The following RCBTB2 variants were observed in gnomAD, a reference collection of about 807,000 sequenced individuals.
RCBTB2 encodes the protein RCC1 and BTB domain containing protein 2, also known as RCC1 and BTB domain-containing protein 2.
A neutral mutation model predicts 65.4 loss-of-function variants in RCBTB2; 55 were observed. The ratio of observed to expected loss-of-function variants is 0.84; its 90% CI spans 0.68 to 1.05. The LOEUF (loss-of-function observed/expected upper bound fraction) is 1.05. Among genes scored for constraint, RCBTB2 ranks in the 50% least tolerant of loss-of-function variants. The probability of loss-of-function intolerance (pLI) is 0.00; values close to 1 mark genes in which losing one functional copy is unlikely to be tolerated. For missense variants in RCBTB2, 599 were observed against 680.1 expected (o/e 0.88, Z 1.33); for synonymous variants, 220 against 255.2 (o/e 0.86, Z 1.31).
At chr13:48,491,486 G>A (rs754310994) in intron 14 of RCBTB2, among the ~76,000 whole-genome samples, 6 of 152,184 alleles carry the variant, frequency 3.9e-5, no homozygotes, top group Non-Finnish European at 7.3e-5. Context: ...ATAAAAATGT[G>A]CTTCAATGAT....
intron 6 of RCBTB2, 112 bp from the exon 7 acceptor site, chr13:48,513,007 T>G: frequency 1.2e-6 from 1 of 821,258 alleles, no homozygotes; most frequent in Middle Eastern, 2.8e-4. Flanking sequence ...TGCAAAAAGC[T>G]AATCAACTTC....
At chr13:48,513,392 T>C (rs957672158) in intron 6 of RCBTB2, among the ~76,000 whole-genome samples, 1 of 152,192 alleles carries the variant, frequency 6.6e-6, no homozygotes, top group African/African-American at 2.4e-5. Context: ...TCAAGAAATA[T>C]AACCTTATAA....
chr13:48,499,142 A>ACACACT lies in RCBTB2; in HGVS notation c.1384+478_1384+479insAGTGTG, dbSNP rs1366425462. Among the ~76,000 whole-genome samples, 1,151 of 132,218 alleles carry ACACACT rather than the reference A, an allele frequency of 8.7e-3. 24 individuals carry two copies. The highest frequency in any genetic ancestry group is 0.077 in the East Asian group (346 of 4,496). The allele number at this position is 132,218 out of a possible 152,430, so 86.7% of individuals were successfully genotyped here. A position where few individuals can be genotyped will look rare whatever the true frequency, so the allele number is the denominator to read the frequency against. ...CACACACACACACACACACACACAC[A>ACACACT]CTCTCTCTCTCTCTCTCTCTCTCTC... On this transcript the variant is annotated intron_variant, in intron 13 of 14. Transcript: ENST00000344532.
Position 48,512,007 on chromosome 13 carries a change from C to T in RCBTB2, c.675+9G>A. 6.2e-7 allele frequency: 1 copy of T among 1,612,464 alleles called. No individual in the cohort carries two copies. Among genetic ancestry groups the T allele is most frequent in the Non-Finnish European group, 8.5e-7 (1 of 1,178,648 alleles). On this transcript the variant is annotated intron_variant, in intron 8 of 14. Coordinates refer to ENST00000344532, the MANE Select transcript of RCBTB2 (RefSeq NM_001268.4). Reference sequence around the variant, plus strand: ...GGTTTTTAAACAAGATGTAAAATAACTTCCTTACCTCCCCCGTGTCTACTA... The same window carrying T: ...GGTTTTTAAACAAGATGTAAAATAATTTCCTTACCTCCCCCGTGTCTACTA...
upstream of RCBTB2, chr13:48,533,192 A>T: frequency 2.8e-6 from 1 of 354,042 alleles, no homozygotes; most frequent in Admixed American, 3.5e-5. Context: ...GAGCGCAGAC[A>T]AGAGGAGGGG....
In RCBTB2 at chr13:48,515,285, C is replaced by T. The variant is rs186907617; in HGVS notation, c.269G>A (p.Arg90Gln). 2.5e-5 allele frequency: 41 copies of T among 1,614,044 alleles called. No individual in the cohort carries two copies. Among genetic ancestry groups the T allele is most frequent in the Admixed American group, 1.8e-4 (11 of 60,012 alleles). ...LGDVQSTIEP[R>Q]RLDSLNGKKI... is the part of the protein sequence containing the mutation. ...TTTGCCATTTAAAGAATCCAGTCTC[C>T]GAGGTTCAATGGTGCTCTGGACGTC... is the stretch of plus-strand genomic sequence containing the variant. The change falls in exon 6 of 15, where the codon CGG (arginine) becomes CAG (glutamine). Residue 90 changes from arginine to glutamine, a missense_variant. By Grantham distance (43) the Arg-to-Gln change is conservative (BLOSUM62 1). Coordinates refer to ENST00000344532, the MANE Select transcript of RCBTB2 (RefSeq NM_001268.4).
intron 6 of RCBTB2, among the ~76,000 whole-genome samples, chr13:48,513,223 C>T (rs191284335): frequency 2.6e-5 from 4 of 152,290 alleles, no homozygotes; most frequent in Admixed American, 2.6e-4. Context: ...CTTAACTCCC[C>T]TAGGTCTTAA....
At position 48,501,879 on chromosome 13, in the gene RCBTB2, A is replaced by G; in HGVS notation, c.1118-11T>C. On this transcript the variant is annotated splice_polypyrimidine_tract_variant and intron_variant, in intron 11 of 14. Transcript: ENST00000344532. Reference sequence around the variant, plus strand: ...GGTGGTCATCAGGTTCTAGGAGAATAATGCAAATGCTTCCAGAGTTAGCTA... The same window carrying G: ...GGTGGTCATCAGGTTCTAGGAGAATGATGCAAATGCTTCCAGAGTTAGCTA... 1 of 1,612,628 alleles carries G rather than the reference A, an allele frequency of 6.2e-7. No homozygotes were observed. Among genetic ancestry groups the G allele is most frequent in the Non-Finnish European group, 8.5e-7 (1 of 1,179,368 alleles).
rs765971150 is a variant in RCBTB2 at position 48,512,810 on chromosome 13, G to A, written c.435C>T (p.Ile145=). ...CTTGTTTGTTTGACAGATTAGTAGA[G>A]ATATGACAGGGCACTAAACCATGAT... ...TTNHGLVPCH[I]STNLSNKQVI... The change falls in exon 7 of 15, where the codon ATC becomes ATT. Residue 145 remains isoleucine (I), a synonymous_variant. Coordinates refer to ENST00000344532, the MANE Select transcript of RCBTB2 (RefSeq NM_001268.4). The A allele has an allele frequency of 1.9e-6, 3 of 1,613,848 alleles. No individual in the cohort carries two copies. The highest frequency in any genetic ancestry group is 1.1e-5 in the South Asian group (1 of 91,072).
At chr13:48,493,315 A>ACACACACACACACACACACTCT (rs759504798) in intron 14 of RCBTB2, among the ~76,000 whole-genome samples, 3 of 75,028 alleles carry the variant, frequency 4.0e-5, no homozygotes, top group African/African-American at 1.8e-4. Context: ...ACACACACAC[A>ACACACACACACACACACACTCT]CTCTCTCTCT....
chr13:48,512,255 C>A (rs1593712223), intron 7 of RCBTB2, 81 bp from the exon 8 acceptor site: 2 of 1,223,400 alleles, frequency 1.6e-6, no homozygotes, highest in East Asian at 2.4e-5. Context: ...ACTTGTGGCA[C>A]CGAGTCTTTC....
At position 48,511,882 on chromosome 13, in the gene RCBTB2, G is replaced by C; in HGVS notation, c.676-5C>G. 6.2e-7 allele frequency: 1 copy of C among 1,614,062 alleles called. No homozygotes were observed. On this transcript the variant is annotated splice_region_variant and splice_polypyrimidine_tract_variant and intron_variant, in intron 8 of 14. Transcript: ENST00000344532. ...GTTGTAACCCCAGACATAGACCTGA[G>C]AGAAAATGAGACCCTCAATCCTCTC...
intron 14 of RCBTB2, among the ~76,000 whole-genome samples, chr13:48,495,934 A>G (rs1949945313): frequency 6.6e-6 from 1 of 152,106 alleles, no homozygotes; most frequent in African/African-American, 2.4e-5. Context: ...AAGTTTCTCT[A>G]TGGTATTTTT....
chr13:48,532,335 T>C (rs567086969), intron 1 of RCBTB2: 1 of 152,470 alleles, frequency 6.6e-6, no homozygotes, highest in East Asian at 1.9e-4. Context: ...CGGCTTCGCC[T>C]AACAAAGTCA....
rs9332029 is a variant in RCBTB2, at chr13:48,505,981, A to C, written c.927-3067T>G. Among the ~76,000 whole-genome samples, 270 of 152,382 alleles carry C rather than the reference A, an allele frequency of 1.8e-3. 3 individuals carry two copies. Among genetic ancestry groups the C allele is most frequent in the African/African-American group, 6.2e-3 (259 of 41,596 alleles). Reference sequence around the variant, plus strand: ...GAGAAGTCCAGATCTGTGACTTTGCAAATAATTCCCAAATGACATCAGTGT... The same window carrying C: ...GAGAAGTCCAGATCTGTGACTTTGCCAATAATTCCCAAATGACATCAGTGT... On this transcript the variant is annotated intron_variant, in intron 10 of 14. Coordinates refer to ENST00000344532, the MANE Select transcript of RCBTB2 (RefSeq NM_001268.4).
rs1174188964 is a variant in RCBTB2 at position 48,515,758 on chromosome 13, A to G, written c.43-17T>C. The G allele has an allele frequency of 3.8e-6, 6 of 1,587,238 alleles. No individual in the cohort carries two copies. The African/African-American group carries it at 6.9e-5, about 18-fold the overall frequency. ...CTGTACTGGCTGAAAAGGAAAAAAT[A>G]TATGTTGAAATGACAAATTAAAAAG... On this transcript the variant is annotated splice_polypyrimidine_tract_variant and intron_variant, in intron 4 of 14. Transcript: ENST00000344532.
chr13:48,495,786 T>C (rs902100329), intron 14 of RCBTB2, among the ~76,000 whole-genome samples: 16 of 152,258 alleles, frequency 1.1e-4, no homozygotes, highest in African/African-American at 3.9e-4. Flanking sequence ...TTTATGTTTT[T>C]TGTCTATTTA....
At chr13:48,526,510 G>A (rs1436872001) in intron 1 of RCBTB2, among the ~76,000 whole-genome samples, 2 of 151,784 alleles carry the variant, frequency 1.3e-5, no homozygotes, top group Non-Finnish European at 2.9e-5. Flanking sequence ...CACTCAGCCC[G>A]GGTGACAAAG....
At chr13:48,523,318 C>T (rs1183647681) in intron 2 of RCBTB2, among the ~76,000 whole-genome samples, 2 of 152,152 alleles carry the variant, frequency 1.3e-5, no homozygotes, top group Non-Finnish European at 2.9e-5. Flanking sequence ...TCTGTATTTC[C>T]ACAGCACTTT....
Sources: gnomAD v4.1 joint callset for allele counts (sites outside exome capture counted in the v4.1 genomes callset) on GRCh38, gnomAD v4.1.1 for gene constraint, MANE v1.5 for transcripts, NCBI Gene and HGNC (gene_info 2026-07-23, HGNC 2026-07-21) for gene names.